The following TBC1D31 variants were observed in gnomAD, a reference collection of about 807,000 sequenced individuals.
The protein encoded by TBC1D31 is WD repeat domain 67.
TBC1D31 carries 99 observed loss-of-function variants against 132.9 expected under a neutral mutation model. The observed-to-expected ratio is 0.74, with a 90% CI of 0.63 to 0.88. The LOEUF is 0.88. TBC1D31 is among the 40% of genes least tolerant of loss of function. TBC1D31 has a pLI of 0.00. For synonymous variants in TBC1D31, 385 were observed against 419.4 expected, an observed-to-expected ratio of 0.92 and a Z score of 1.00; for missense variants, 1,134 against 1,256.6, an observed-to-expected ratio of 0.90 and a Z score of 1.48.
At chr8:123,164,262 G>A in the TBC1D31 span, among the ~76,000 whole-genome samples, 1,133 of 152,240 alleles carry the variant, frequency 7.4e-3, 18 homozygotes, top group African/African-American at 0.026. Context: ...ACAAAGCCAT[G>A]CCAAGGAGGC....
At chr8:123,126,714 G>A (rs1460894670) in intron 13 of TBC1D31, 27 bp downstream of exon 13, 1 of 1,549,350 alleles carries the variant, frequency 6.5e-7, no homozygotes, top group Non-Finnish European at 8.7e-7. Flanking sequence ...TTAAGAGAAG[G>A]TTCTCAAATA....
chr8:123,150,202 A>G, intron 21 of TBC1D31, 74 bp downstream of exon 21: 1 of 1,160,044 alleles, frequency 8.6e-7, no homozygotes, highest in South Asian at 1.3e-5. Flanking sequence ...TGTGGCTTAA[A>G]TTATATTTAT....
intron 1 of TBC1D31, chr8:123,073,132 G>A (rs1814081100): frequency 9.4e-6 from 5 of 532,702 alleles, no homozygotes; most frequent in South Asian, 5.8e-5. Flanking sequence ...GGACTCTCCT[G>A]CTTTTATGAT....
chr8:123,097,741 G>T (rs1266136276), intron 6 of TBC1D31: 3 of 203,934 alleles, frequency 1.5e-5, no homozygotes, highest in Non-Finnish European at 2.9e-5. Context: ...CTTTGGCATA[G>T]GCAGGAAAGA....
chr8:123,157,499 C>T, the TBC1D31 span, among the ~76,000 whole-genome samples: 1 of 152,064 alleles, frequency 6.6e-6, no homozygotes, highest in Admixed American at 6.6e-5. Flanking sequence ...TGGGTAGCGA[C>T]GACACGGAGA....
chr8:123,130,092 G>A, intron 15 of TBC1D31, 106 bp from the exon 16 acceptor site: 2 of 1,106,272 alleles, frequency 1.8e-6, no homozygotes, highest in Non-Finnish European at 2.5e-6. Flanking sequence ...TCAAATAAAG[G>A]ATATCAATTG....
rs770658173 is a variant in TBC1D31 at position 123,151,984 on chromosome 8, A to C, written c.*45A>C. 5.8e-6 allele frequency: 8 copies of C among 1,383,128 alleles called. No individual in the cohort carries two copies. The highest frequency in any genetic ancestry group is 6.6e-6 in the Non-Finnish European group (7 of 1,058,684). The allele number at this position is 1,383,128 out of a possible 1,614,324, so 85.7% of individuals were successfully genotyped here. On this transcript the variant is annotated 3_prime_UTR_variant, in exon 22 of 22. Transcript: ENST00000287380. ...CGGTCGAGAGAGAGACCTATTTTGC[A>C]ATCAGTGACATTGATTTTTAGATTA... is the stretch of plus-strand genomic sequence containing the variant.
chr8:123,087,869 A>T (rs1815926815), intron 4 of TBC1D31, among the ~76,000 whole-genome samples: 1 of 152,240 alleles, frequency 6.6e-6, no homozygotes, highest in Non-Finnish European at 1.5e-5. Flanking sequence ...TGATGTGTGC[A>T]TATAGTAAAT....
chr8:123,110,668 C>T (rs776769287), intron 10 of TBC1D31, among the ~76,000 whole-genome samples: 2 of 152,168 alleles, frequency 1.3e-5, no homozygotes, highest in Non-Finnish European at 2.9e-5. Context: ...CATACACACA[C>T]TCCCCTTGCT....
At chr8:123,148,874 G>A (rs1278168421) in intron 20 of TBC1D31, among the ~76,000 whole-genome samples, 1 of 151,978 alleles carries the variant, frequency 6.6e-6, no homozygotes, top group Non-Finnish European at 1.5e-5. Flanking sequence ...TGGCCAACAT[G>A]GTGAAACCTC....
At position 123,142,267 on chromosome 8, in the gene TBC1D31, T is replaced by A; in HGVS notation, c.2646T>A (p.Ile882=). ...AATGTATAACTTTTTCCTAGGTGAT[T>A]AAAGAAAATTTGGCAAAGGCTGAAC... is the stretch of plus-strand genomic sequence containing the variant. ...ETQSQKTQKV[I]KENLAKAEQA... is the part of the protein sequence containing the mutation. The change falls in exon 19 of 22, where the codon ATT becomes ATA. Residue 882 remains isoleucine (I), a synonymous_variant. Coordinates refer to ENST00000287380, the MANE Select transcript of TBC1D31 (RefSeq NM_145647.4). 1 of 1,567,266 alleles carries A rather than the reference T, an allele frequency of 6.4e-7. No homozygotes were observed. Among genetic ancestry groups the A allele is most frequent in the South Asian group, 1.2e-5 (1 of 83,166 alleles).
At chr8:123,113,919 C>T (rs962274433) in intron 10 of TBC1D31, among the ~76,000 whole-genome samples, 2 of 151,834 alleles carry the variant, frequency 1.3e-5, no homozygotes, top group Non-Finnish European at 2.9e-5. Context: ...CCTTTTTTTT[C>T]TGCTACAAAA....
chr8:123,144,807 C>T lies in TBC1D31; in HGVS notation c.2926C>T (p.Gln976Ter). The T allele has an allele frequency of 6.2e-7, 1 of 1,613,738 alleles. No homozygotes were observed. The highest frequency in any genetic ancestry group is 8.5e-7 in the Non-Finnish European group (1 of 1,179,942). Reference protein sequence around the residue: ...SDASRKWFLKQEINAAVEHAE... With the variant: ...SDASRKWFLK ...TGCGTCTAGAAAGTGGTTTTTAAAG[C>T]AAGAGATAAATGCGGCTGTAGAACA... The change falls in exon 20 of 22, where the codon CAA becomes TAA. Residue 976 changes from glutamine to a stop codon, truncating the protein, a stop_gained. Transcript: ENST00000287380. LOFTEE classifies it high-confidence loss of function.
intron 19 of TBC1D31, among the ~76,000 whole-genome samples, chr8:123,143,292 G>C (rs1821881800): frequency 6.6e-6 from 1 of 152,052 alleles, no homozygotes; most frequent in South Asian, 2.1e-4. Flanking sequence ...TTCTTCACAG[G>C]GAGCATTATC....
intron 4 of TBC1D31, among the ~76,000 whole-genome samples, chr8:123,092,592 T>A (rs115995294): frequency 2.6e-4 from 39 of 152,208 alleles, no homozygotes; most frequent in African/African-American, 8.4e-4. Context: ...AATAAATACA[T>A]ACACCCCATT....
chr8:123,159,003 G>C, the TBC1D31 span, among the ~76,000 whole-genome samples: 1 of 152,128 alleles, frequency 6.6e-6, no homozygotes, highest in African/African-American at 2.4e-5. Context: ...GCGGGAATCC[G>C]ACCCAGGGGG....
chr8:123,114,317 TTTG>T (rs149336241), intron 10 of TBC1D31, among the ~76,000 whole-genome samples: 16 of 151,400 alleles, frequency 1.1e-4, no homozygotes, highest in South Asian at 2.1e-4. Flanking sequence ...TTGTTTGTTT[TTTG>T]TTGTTGTTGT....
At position 123,093,711 on chromosome 8, in the gene TBC1D31, A is replaced by C; in HGVS notation, c.640A>C (p.Ser214Arg). The C allele has an allele frequency of 6.2e-7, 1 of 1,609,182 alleles. No individual in the cohort carries two copies. Among genetic ancestry groups the C allele is most frequent in the South Asian group, 1.1e-5 (1 of 90,496 alleles). Reference protein sequence around the residue: ...YQLPAPPESSSILYKVFAVTR... With the variant: ...YQLPAPPESSRILYKVFAVTR... ...ATTGCCAGCTCCACCTGAAAGCTCT[A>C]GTATATTATACAAAGTGTTTGCTGT... Residue 214 changes from serine (S) to arginine (R), a missense_variant, in exon 5 of 22, where the codon AGT becomes CGT. Transcript: ENST00000287380.
chr8:123,093,493 A>G (rs1816548165), intron 4 of TBC1D31, 98 bp from the exon 5 acceptor site: 1 of 750,238 alleles, frequency 1.3e-6, no homozygotes, highest in African/African-American at 1.8e-5. Context: ...TAAGAAAATA[A>G]TATTTTAATA....
Sources: allele counts gnomAD v4.1 joint callset (sites outside exome capture counted in the v4.1 genomes callset), GRCh38; gene constraint gnomAD v4.1.1; transcripts MANE v1.5; gene names NCBI Gene and HGNC (gene_info 2026-07-23, HGNC 2026-07-21).